The following DMD variants were observed in gnomAD, a reference collection of about 807,000 sequenced individuals.
The protein encoded by DMD is mutant dystrophin.
A neutral mutation model predicts 330.1 loss-of-function variants in DMD; 63 were observed. The observed-to-expected ratio is 0.19, with a 90% CI of 0.16 to 0.24. The LOEUF (loss-of-function observed/expected upper bound fraction) is 0.24, where lower values mean the gene tolerates loss of function less well. DMD is among the 10% of genes least tolerant of loss of function. DMD has a pLI of 1.00. For synonymous variants in DMD, 1,223 were observed against 959.8 expected (o/e 1.27, Z -5.07); for missense variants, 3,344 against 2,684.1 (o/e 1.25, Z -5.43).
chrX:31,656,741 A>G (rs2080809102), intron 54 of DMD, among the ~76,000 whole-genome samples: 2 of 111,969 alleles, frequency 1.8e-5, no homozygotes, highest in Non-Finnish European at 3.8e-5. Context: ...AGTAGTTACT[A>G]TGAGAATTTT....
At chrX:31,313,628 G>C (rs111745251) in intron 62 of DMD, among the ~76,000 whole-genome samples, 1,555 of 110,651 alleles carry the variant, frequency 0.014, 24 homozygotes, top group African/African-American at 0.048. Flanking sequence ...CATCACCAAA[G>C]TAGTGCACCT....
intron 7 of DMD, among the ~76,000 whole-genome samples, chrX:32,762,686 G>A (rs141607094): frequency 9.7e-4 from 107 of 109,915 alleles, no homozygotes; most frequent in African/African-American, 3.4e-3. Flanking sequence ...TTGCTTGACC[G>A]GAGCCTGGTG....
chrX:32,685,985 T>C (rs982944524), intron 9 of DMD, among the ~76,000 whole-genome samples: 1 of 111,592 alleles, frequency 9.0e-6, no homozygotes, highest in South Asian at 3.7e-4. Flanking sequence ...TTTCTTTACA[T>C]TGACATGCTT....
At chrX:32,766,914 G>T (rs1350029586) in intron 7 of DMD, among the ~76,000 whole-genome samples, 1 of 110,915 alleles carries the variant, frequency 9.0e-6, no homozygotes, top group Non-Finnish European at 1.9e-5. Context: ...ACAATAAAAA[G>T]AGGCATATAA....
intron 44 of DMD, among the ~76,000 whole-genome samples, chrX:32,208,817 A>G (rs2097081997): frequency 9.0e-6 from 1 of 111,364 alleles, no homozygotes; most frequent in Admixed American, 9.6e-5. Flanking sequence ...TATTTAACAT[A>G]TGCTCCAATG....
intron 4 of DMD, among the ~76,000 whole-genome samples, chrX:32,843,579 G>C (rs1418185719): frequency 3.6e-5 from 4 of 112,087 alleles, no homozygotes; most frequent in Non-Finnish European, 7.5e-5. Flanking sequence ...CAGATAAGCT[G>C]AGCAACATTT....
intron 9 of DMD, among the ~76,000 whole-genome samples, chrX:32,689,439 A>T (rs768200440): frequency 3.0e-4 from 33 of 111,522 alleles, no homozygotes; most frequent in Non-Finnish European, 5.3e-4. Flanking sequence ...CTCAACAAAG[A>T]AAAGCAAAAG....
At position 32,840,444 on chromosome X, in the gene DMD, T is replaced by C. The variant is rs191919076; in HGVS notation, c.264+4339A>G. On this transcript the variant is annotated intron_variant, in intron 4 of 78. Transcript: ENST00000357033. Reference sequence around the variant, plus strand: ...TTAAGTTCCCTTCATAAGTTCCTCTTTTAATTGAAGTGGAATATGCATATA... The same window carrying C: ...TTAAGTTCCCTTCATAAGTTCCTCTCTTAATTGAAGTGGAATATGCATATA... Among the ~76,000 whole-genome samples the C allele has an allele frequency of 2.7e-5, 3 of 111,783 alleles. No homozygotes were observed. In the Admixed American group the frequency reaches 2.9e-4, roughly 11 times the overall value.
At chrX:31,729,576 T>C (rs1357933432) in intron 52 of DMD, 55 bp downstream of exon 52, 3 of 934,308 alleles carry the variant, frequency 3.2e-6, no homozygotes, top group Non-Finnish European at 4.7e-6. Flanking sequence ...TAAGTTTTTA[T>C]TGAAACTTGT....
At chrX:31,486,989 A>G (rs1281038951) in intron 57 of DMD, among the ~76,000 whole-genome samples, 1 of 112,003 alleles carries the variant, frequency 8.9e-6, no homozygotes, top group African/African-American at 3.2e-5. Context: ...GTCTTGGAAA[A>G]GGGCAAGCAA....
chrX:32,298,590 T>A (rs1676073406), intron 42 of DMD, among the ~76,000 whole-genome samples: 2 of 110,451 alleles, frequency 1.8e-5, no homozygotes, highest in Non-Finnish European at 3.8e-5. Flanking sequence ...GGGGTAATTT[T>A]TAATCTCTTC....
rs180727271 is a variant in DMD, at chrX:31,926,435, C to T, written c.6912+3161G>A. ...CTCACACCTGTAATCCCCGCACTTT[C>T]GGAGGCTGAGGTGAGCAGATCATGA... On this transcript the variant is annotated intron_variant, in intron 47 of 78. Coordinates refer to ENST00000357033, the MANE Select transcript of DMD (RefSeq NM_004006.3). Among the ~76,000 whole-genome samples the T allele has an allele frequency of 5.2e-3, 583 of 111,238 alleles. 3 individuals carry two copies. The highest frequency in any genetic ancestry group is 0.014 in the African/African-American group (437 of 30,634).
At chrX:32,417,410 C>A (rs760635879) in intron 29 of DMD, among the ~76,000 whole-genome samples, 8 of 111,408 alleles carry the variant, frequency 7.2e-5, no homozygotes, top group African/African-American at 2.6e-4. Context: ...GTAAGTGGAG[C>A]TCCAAGACCA....
intron 60 of DMD, among the ~76,000 whole-genome samples, chrX:31,392,880 G>T (rs1166340462): frequency 8.9e-6 from 1 of 112,091 alleles, no homozygotes; most frequent in Non-Finnish European, 1.9e-5. Flanking sequence ...AGAAAAATTT[G>T]CAGTGAACTA....
intron 50 of DMD, among the ~76,000 whole-genome samples, chrX:31,778,677 T>A (rs1381334684): frequency 9.4e-6 from 1 of 106,352 alleles, no homozygotes; most frequent in Non-Finnish European, 1.9e-5. Context: ...TTCAAGCGAT[T>A]CCCCTGCCTC....
intron 7 of DMD, among the ~76,000 whole-genome samples, chrX:32,723,994 G>A (rs2066604094): frequency 9.0e-6 from 1 of 111,638 alleles, no homozygotes; most frequent in African/African-American, 3.2e-5. Flanking sequence ...AGTTGGACAA[G>A]GTTGCCTTAA....
intron 52 of DMD, among the ~76,000 whole-genome samples, chrX:31,728,104 G>C (rs1826777739): frequency 8.9e-6 from 1 of 112,224 alleles, no homozygotes; most frequent in South Asian, 3.7e-4. Flanking sequence ...CTCACTGCAA[G>C]CTCCGCCTCC....
intron 9 of DMD, among the ~76,000 whole-genome samples, chrX:32,664,862 A>C (rs2061204856): frequency 8.9e-6 from 1 of 111,846 alleles, no homozygotes; most frequent in Admixed American, 9.5e-5. Context: ...CATCGAGAAA[A>C]TGAATGTGGT....
At chrX:33,008,212 T>C (rs1303217380) in intron 2 of DMD, among the ~76,000 whole-genome samples, 1 of 111,459 alleles carries the variant, frequency 9.0e-6, no homozygotes, top group Non-Finnish European at 1.9e-5. Flanking sequence ...AGGATACAAA[T>C]AAGCAAAGCC....
Sources: allele counts gnomAD v4.1 joint callset (sites outside exome capture counted in the v4.1 genomes callset), GRCh38; gene constraint gnomAD v4.1.1; transcripts MANE v1.5; gene names NCBI Gene and HGNC (gene_info 2026-07-23, HGNC 2026-07-21).